Variants in CTTNBP2 observed in about 807,000 individuals in gnomAD.
CTTNBP2 encodes the protein cortactin-binding protein 2.
A neutral mutation model predicts 156.9 loss-of-function variants in CTTNBP2; 108 were observed. That is an observed-to-expected ratio of 0.69 (90% confidence interval 0.59 to 0.81). CTTNBP2 has a LOEUF of 0.81. Ranked by LOEUF, CTTNBP2 falls within the 30% of genes least tolerant of loss-of-function variation. The pLI, the probability that CTTNBP2 is intolerant of heterozygous loss-of-function variation, is 0.00. For synonymous variants in CTTNBP2, 767 were observed against 751.8 expected (o/e 1.02, Z -0.33); for missense variants, 1,924 against 2,035.4 (o/e 0.95, Z 1.05).
At chr7:117,775,611 T>A (rs1798053543) in intron 8 of CTTNBP2, among the ~76,000 whole-genome samples, 1 of 149,140 alleles carries the variant, frequency 6.7e-6, no homozygotes, top group Admixed American at 6.8e-5. Flanking sequence ...CTAGGCTGAG[T>A]GCAGGTATAA....
chr7:117,731,962 C>T (rs1795426705), intron 16 of CTTNBP2, among the ~76,000 whole-genome samples: 1 of 152,146 alleles, frequency 6.6e-6, no homozygotes, highest in East Asian at 1.9e-4. Context: ...TAGTCCCTCA[C>T]CAGGTCTTAC....
At chr7:117,822,456 GA>G (rs776417148) in intron 2 of CTTNBP2, among the ~76,000 whole-genome samples, 3 of 151,928 alleles carry the variant, frequency 2.0e-5, no homozygotes, top group Non-Finnish European at 4.4e-5. Context: ...TCATAAAGTA[GA>G]ACCATAGGTC....
At chr7:117,711,893 G>A in intron 22 of CTTNBP2, 111 bp from the exon 23 acceptor site, 3 of 1,076,112 alleles carry the variant, frequency 2.8e-6, no homozygotes, top group Non-Finnish European at 3.9e-6. Flanking sequence ...AAAACTATAG[G>A]TTCTCGTGAA....
At chr7:117,726,037 G>A (rs1795077767) in intron 17 of CTTNBP2, among the ~76,000 whole-genome samples, 1 of 152,172 alleles carries the variant, frequency 6.6e-6, no homozygotes, top group East Asian at 1.9e-4. Flanking sequence ...CCAAGGCAAG[G>A]GTGCGTGTGG....
In CTTNBP2 at chr7:117,857,250, T is replaced by C. The variant is rs143722143; in HGVS notation, c.189+3959A>G. Among the ~76,000 whole-genome samples the C allele has an allele frequency of 3.5e-4, 53 of 152,362 alleles. 1 individual carries two copies. Among genetic ancestry groups the C allele is most frequent in the Admixed American group, 3.4e-3 (52 of 15,302 alleles). ...AATACATTTCAGTTAATCAGCTTTATGCAATTCAGATTTTTCCATCAATAT... is the reference window on the plus strand; with the variant it reads ...AATACATTTCAGTTAATCAGCTTTACGCAATTCAGATTTTTCCATCAATAT... On this transcript the variant is annotated intron_variant, in intron 2 of 22. Coordinates refer to ENST00000160373, the MANE Select transcript of CTTNBP2 (RefSeq NM_033427.3).
chr7:117,840,417 T>C (rs1006287929), intron 2 of CTTNBP2, among the ~76,000 whole-genome samples: 3 of 152,072 alleles, frequency 2.0e-5, no homozygotes, highest in Admixed American at 6.6e-5. Flanking sequence ...TCCCAGCTAC[T>C]GGAGAGGCCA....
intron 2 of CTTNBP2, among the ~76,000 whole-genome samples, chr7:117,818,771 C>T (rs1210658973): frequency 6.6e-6 from 1 of 152,196 alleles, no homozygotes; most frequent in African/African-American, 2.4e-5. Flanking sequence ...AGATGGTACT[C>T]TTTCAATATC....
chr7:117,805,738 T>TAA (rs34740560), intron 3 of CTTNBP2, among the ~76,000 whole-genome samples: 1 of 152,164 alleles, frequency 6.6e-6, no homozygotes, highest in African/African-American at 2.4e-5. Flanking sequence ...TACAGATTTT[T>TAA]AAAAAAATTG....
At chr7:117,735,597 A>C (rs1214315844) in intron 14 of CTTNBP2, among the ~76,000 whole-genome samples, 176 bp from the exon 15 acceptor site, 1 of 152,220 alleles carries the variant, frequency 6.6e-6, no homozygotes, top group Non-Finnish European at 1.5e-5. Flanking sequence ...TTATTTGATA[A>C]GTTTGAACAC....
Position 117,711,598 on chromosome 7 carries a change from T to C in CTTNBP2, c.4931A>G (p.Asn1644Ser), listed in dbSNP as rs1192278878. 1 of 1,613,794 alleles carries C rather than the reference T, an allele frequency of 6.2e-7. No homozygotes were observed. Among genetic ancestry groups the C allele is most frequent in the East Asian group, 2.2e-5 (1 of 44,878 alleles). ...TAAGTTCCAATTCACTTCTTTTGAGTTGTTGTTGATTTCTATTTGCCTTGT... is the reference window on the plus strand; with the variant it reads ...TAAGTTCCAATTCACTTCTTTTGAGCTGTTGTTGATTTCTATTTGCCTTGT... ...SNTRQIEINNNSKEVNWNLHK... is the reference protein window; with the variant it reads ...SNTRQIEINNSSKEVNWNLHK... The change falls in exon 23 of 23, where the codon AAC (asparagine) becomes AGC (serine). Residue 1644 changes from asparagine to serine, a missense_variant. By Grantham distance (46) the Asn-to-Ser change is conservative. Coordinates refer to ENST00000160373, the MANE Select transcript of CTTNBP2 (RefSeq NM_033427.3).
At chr7:117,855,195 C>T (rs1298405569) in intron 2 of CTTNBP2, among the ~76,000 whole-genome samples, 1 of 152,178 alleles carries the variant, frequency 6.6e-6, no homozygotes, top group Non-Finnish European at 1.5e-5. Flanking sequence ...GGTCAACAAG[C>T]TATTACCTCA....
At chr7:117,864,950 C>CAT (rs1266268619) in intron 1 of CTTNBP2, among the ~76,000 whole-genome samples, 1 of 141,852 alleles carries the variant, frequency 7.0e-6, no homozygotes, top group Non-Finnish European at 1.5e-5. Context: ...AATATATATT[C>CAT]ATATATATTC....
chr7:117,784,243 A>G lies in CTTNBP2; in HGVS notation c.2272+8T>C. The stretch of plus-strand genomic sequence containing the variant: ...CAAGTGTGTGGTATAAGATCTCGCC[A>G]TATTTACCTGTATGTCCATTCTTAG... On this transcript the variant is annotated splice_region_variant and intron_variant, in intron 5 of 22. Coordinates refer to ENST00000160373, the MANE Select transcript of CTTNBP2 (RefSeq NM_033427.3). The G allele has an allele frequency of 6.3e-7, 1 of 1,592,524 alleles. No homozygotes were observed. The highest frequency in any genetic ancestry group is 1.2e-5 in the South Asian group (1 of 86,540).
chr7:117,735,153 C>A, intron 15 of CTTNBP2, 53 bp from the exon 16 acceptor site: 1 of 1,590,766 alleles, frequency 6.3e-7, no homozygotes, highest in Non-Finnish European at 8.6e-7. Context: ...TGTTATGGGA[C>A]AGATTCAAAT....
intron 8 of CTTNBP2, among the ~76,000 whole-genome samples, chr7:117,771,156 GA>G (rs1797776996): frequency 6.6e-6 from 1 of 152,112 alleles, no homozygotes; most frequent in African/African-American, 2.4e-5. Flanking sequence ...AGGAGAGGTT[GA>G]GGGGTGAGGG....
At chr7:117,836,664 T>C (rs1801967359) in intron 2 of CTTNBP2, among the ~76,000 whole-genome samples, 1 of 152,178 alleles carries the variant, frequency 6.6e-6, no homozygotes, top group African/African-American at 2.4e-5. Context: ...GCGTCTGTAT[T>C]AGTCTGTTCT....
At chr7:117,773,620 G>A (rs576545747) in intron 8 of CTTNBP2, among the ~76,000 whole-genome samples, 2 of 141,490 alleles carry the variant, frequency 1.4e-5, no homozygotes, top group African/African-American at 5.2e-5. Context: ...AGGCAGCTGA[G>A]AATAAAGCTT....
At chr7:117,819,399 A>T (rs1346536175) in intron 2 of CTTNBP2, among the ~76,000 whole-genome samples, 4 of 151,238 alleles carry the variant, frequency 2.6e-5, no homozygotes, top group African/African-American at 4.9e-5. Flanking sequence ...ACACACACAC[A>T]CACACACACA....
chr7:117,866,906 T>C (rs555711757), intron 1 of CTTNBP2, among the ~76,000 whole-genome samples: 48 of 152,296 alleles, frequency 3.2e-4, no homozygotes, highest in African/African-American at 1.1e-3. Context: ...AATAATGCAT[T>C]TAGAACTTTC....
Sources: gnomAD v4.1 joint callset for allele counts (sites outside exome capture counted in the v4.1 genomes callset) on GRCh38, gnomAD v4.1.1 for gene constraint, MANE v1.5 for transcripts, NCBI Gene and HGNC (gene_info 2026-07-23, HGNC 2026-07-21) for gene names.